SIAH2: variants seen among roughly 807,000 people sequenced by gnomAD.
SIAH2 encodes E3 ubiquitin-protein ligase SIAH2.
Under a neutral mutation model 20.4 loss-of-function variants are expected in SIAH2, and 4 were observed. The ratio of observed to expected loss-of-function variants is 0.20; its 90% CI spans 0.10 to 0.45. The LOEUF (loss-of-function observed/expected upper bound fraction) is 0.45. Ranked by LOEUF, SIAH2 falls within the 20% of genes least tolerant of loss-of-function variation. The pLI, the probability that SIAH2 is intolerant of heterozygous loss-of-function variation, is 0.99. For synonymous variants in SIAH2, 171 were observed against 192.5 expected (o/e 0.89, Z 0.93); for missense variants, 259 against 440.3 (o/e 0.59, Z 3.69).
intron 1 of SIAH2, among the ~76,000 whole-genome samples, chr3:150,755,787 A>G (rs1714475265): frequency 6.6e-6 from 1 of 151,976 alleles, no homozygotes; most frequent in African/African-American, 2.4e-5. Flanking sequence ...AAGTGTTGGG[A>G]TTACAGGTGT....
chr3:150,759,527 A>C (rs921506779), intron 1 of SIAH2, among the ~76,000 whole-genome samples: 3 of 152,184 alleles, frequency 2.0e-5, no homozygotes, highest in African/African-American at 7.2e-5. Context: ...GTTATGATTC[A>C]GAATCTTGAG....
intron 1 of SIAH2, among the ~76,000 whole-genome samples, chr3:150,744,514 AAAAC>A (rs1488284198): frequency 1.3e-5 from 2 of 152,224 alleles, no homozygotes; most frequent in Non-Finnish European, 2.9e-5. Flanking sequence ...TAAGGCCTGA[AAAAC>A]AAATCCCTAT....
chr3:150,747,032 G>C (rs530375590), intron 1 of SIAH2, among the ~76,000 whole-genome samples: 270 of 152,354 alleles, frequency 1.8e-3, no homozygotes, highest in African/African-American at 5.9e-3. Context: ...GCATTCCCAG[G>C]CTGCCCCGCC....
intron 1 of SIAH2, among the ~76,000 whole-genome samples, chr3:150,757,433 T>A (rs1402842348): frequency 1.3e-5 from 2 of 151,826 alleles, no homozygotes; most frequent in African/African-American, 4.8e-5. Context: ...CTTGGCAAAA[T>A]GAAGATGAAA....
intron 1 of SIAH2, among the ~76,000 whole-genome samples, chr3:150,747,964 C>CAAAAA (rs58478348): frequency 0.016 from 881 of 56,660 alleles, 29 homozygotes; most frequent in African/African-American, 0.049. Flanking sequence ...AACGCCATCT[C>CAAAAA]AAAAAAAAAA....
intron 1 of SIAH2, among the ~76,000 whole-genome samples, chr3:150,758,310 A>C (rs1399508598): frequency 6.6e-6 from 1 of 152,128 alleles, no homozygotes; most frequent in East Asian, 1.9e-4. Context: ...CAGTGTAAGA[A>C]GGCTGGAGTG....
intron 1 of SIAH2, among the ~76,000 whole-genome samples, chr3:150,754,460 AAGATCCAACCACCTGCCCC>A (rs1352709436): frequency 2.6e-5 from 4 of 152,154 alleles, no homozygotes; most frequent in Non-Finnish European, 5.9e-5. Flanking sequence ...ATCCACCCCC[AAGATCCAACCACCTGCCCC>A]AGGCCCCACC....
intron 1 of SIAH2, among the ~76,000 whole-genome samples, chr3:150,751,436 A>T (rs1714361241): frequency 6.6e-6 from 1 of 151,972 alleles, no homozygotes; most frequent in Non-Finnish European, 1.5e-5. Context: ...AAGAAAAAAA[A>T]AAGAGAGAGA....
In SIAH2 at chr3:150,752,152, C is replaced by T. The variant is rs142734179; in HGVS notation, c.418-9454G>A. On this transcript the variant is annotated intron_variant, in intron 1 of 1. Coordinates refer to ENST00000312960, the MANE Select transcript of SIAH2 (RefSeq NM_005067.7). ...TCTATGCCATGTGACCAGTACCACACCCACCCTTTCAGTATGCCCTCACTC... is the reference window on the plus strand; with the variant it reads ...TCTATGCCATGTGACCAGTACCACATCCACCCTTTCAGTATGCCCTCACTC... Among the ~76,000 whole-genome samples, 476 of 152,316 alleles carry T rather than the reference C, an allele frequency of 3.1e-3. 5 individuals are homozygous for T. The highest frequency in any genetic ancestry group is 0.011 in the African/African-American group (461 of 41,566).
chr3:150,750,321 C>T (rs570215019), intron 1 of SIAH2, among the ~76,000 whole-genome samples: 1 of 152,294 alleles, frequency 6.6e-6, no homozygotes, highest in South Asian at 2.1e-4. Flanking sequence ...TCATTGCCTG[C>T]TTCTTGCCCA....
intron 1 of SIAH2, among the ~76,000 whole-genome samples, chr3:150,745,761 C>T (rs1445536592): frequency 6.6e-6 from 1 of 152,108 alleles, no homozygotes; most frequent in Non-Finnish European, 1.5e-5. Context: ...TCCCAAAGTG[C>T]TGGGATTGCA....
In SIAH2 at chr3:150,762,904, G is replaced by C. The variant is rs1714659523; in HGVS notation, c.-55C>G. 6 of 1,138,428 alleles carry C rather than the reference G, an allele frequency of 5.3e-6. No individual in the cohort carries two copies. The highest frequency in any genetic ancestry group is 6.5e-6 in the Non-Finnish European group (6 of 919,262). The allele number at this position is 1,138,428 out of a possible 1,614,324, so 70.5% of individuals were successfully genotyped here. A position where few individuals can be genotyped will look rare whatever the true frequency, so the allele number is the denominator to read the frequency against. ...GCGCCTGCCTGCCGCGGGGCCGCCCGGGTCAAGGCGGTGCGCGCCCCGCGG... is the reference window on the plus strand; with the variant it reads ...GCGCCTGCCTGCCGCGGGGCCGCCCCGGTCAAGGCGGTGCGCGCCCCGCGG... On this transcript the variant is annotated 5_prime_UTR_variant, in exon 1 of 2. Coordinates refer to ENST00000312960, the MANE Select transcript of SIAH2 (RefSeq NM_005067.7). This position sits in a 1 kb window ranked among gnomAD's most constrained non-coding sequence, Gnocchi z 6.6.
chr3:150,762,166 A>C lies in SIAH2; in HGVS notation c.417+267T>G. On this transcript the variant is annotated intron_variant, in intron 1 of 1. Coordinates refer to ENST00000312960, the MANE Select transcript of SIAH2 (RefSeq NM_005067.7). This position sits in a 1 kb window ranked among gnomAD's most constrained non-coding sequence, Gnocchi z 6.6. ...ATACACGTCTGCAGAGGACGCGGGC[A>C]TTGGGCCGGGTGAGCTACGATGTTC... 1 of 536,268 alleles carries C rather than the reference A, an allele frequency of 1.9e-6. No individual in the cohort carries two copies. Among genetic ancestry groups the C allele is most frequent in the Non-Finnish European group, 3.0e-6 (1 of 330,178 alleles). The allele number at this position is 536,268 out of a possible 1,614,324, so 33.2% of individuals were successfully genotyped here. A position where few individuals can be genotyped will look rare whatever the true frequency, so the allele number is the denominator to read the frequency against.
rs1357809432 is a variant in SIAH2, at chr3:150,741,396, T to C, written c.*745A>G. ...TTTCCTAGGCAATCCACCCAAAACA[T>C]AGGTGAGTGGCCAAATCTCAGGCGT... On this transcript the variant is annotated 3_prime_UTR_variant, in exon 2 of 2. Transcript: ENST00000312960. The C allele has an allele frequency of 6.6e-6, 1 of 152,528 alleles. No individual in the cohort carries two copies. Among genetic ancestry groups the C allele is most frequent in the Non-Finnish European group, 1.5e-5 (1 of 68,030 alleles). The allele number at this position is 152,528 out of a possible 1,614,324, so 9.4% of individuals were successfully genotyped here. A position where few individuals can be genotyped will look rare whatever the true frequency, so the allele number is the denominator to read the frequency against.
At chr3:150,753,037 C>A (rs1309287520) in intron 1 of SIAH2, among the ~76,000 whole-genome samples, 1 of 152,228 alleles carries the variant, frequency 6.6e-6, no homozygotes, top group Admixed American at 6.5e-5. Flanking sequence ...TCCCACACAG[C>A]CTCCTTATGA....
Position 150,762,190 on chromosome 3 carries a change from T to C in SIAH2, c.417+243A>G. ...CATTGGGCCGGGTGAGCTACGATGT[T>C]CTAACGATCAGCAAATGCCAATTAA... is the stretch of plus-strand genomic sequence containing the variant. On this transcript the variant is annotated intron_variant, in intron 1 of 1. Coordinates refer to ENST00000312960, the MANE Select transcript of SIAH2 (RefSeq NM_005067.7). This position sits in a 1 kb window ranked among gnomAD's most constrained non-coding sequence, Gnocchi z 6.6. 1.4e-6 allele frequency: 1 copy of C among 739,290 alleles called. No homozygotes were observed. Among genetic ancestry groups the C allele is most frequent in the East Asian group, 3.6e-5 (1 of 27,918 alleles). The allele number at this position is 739,290 out of a possible 1,614,324, so 45.8% of individuals were successfully genotyped here. A position where few individuals can be genotyped will look rare whatever the true frequency, so the allele number is the denominator to read the frequency against.
rs1355995065 is a variant in SIAH2 at position 150,762,342 on chromosome 3, C to A, written c.417+91G>T. ...CTTTTTTTTTTTTAAATGAGAGATG[C>A]CGCCCGCCTCTCCGGGCCTGCGAGT... On this transcript the variant is annotated intron_variant, in intron 1 of 1. Coordinates refer to ENST00000312960, the MANE Select transcript of SIAH2 (RefSeq NM_005067.7). This position sits in a 1 kb window ranked among gnomAD's most constrained non-coding sequence, Gnocchi z 6.6. 3 of 1,497,148 alleles carry A rather than the reference C, an allele frequency of 2.0e-6. No individual in the cohort carries two copies. Among genetic ancestry groups the A allele is most frequent in the Non-Finnish European group, 2.7e-6 (3 of 1,128,204 alleles). 92.7% of individuals were successfully genotyped at this position (1,497,148 alleles called of 1,614,324 possible). A position where few individuals can be genotyped will look rare whatever the true frequency, so the allele number is the denominator to read the frequency against.
Position 150,762,403 on chromosome 3 carries a change from C to T in SIAH2, c.417+30G>A, listed in dbSNP as rs765873288. 6.3e-7 allele frequency: 1 copy of T among 1,589,734 alleles called. No homozygotes were observed. Among genetic ancestry groups the T allele is most frequent in the African/African-American group, 1.4e-5 (1 of 73,952 alleles). ...ATACCGGAGTCCCTGAGGTCACCGG[C>T]GGAGGTACGTGGGCTGTCCCTGGGC... On this transcript the variant is annotated intron_variant, in intron 1 of 1. Transcript: ENST00000312960. The surrounding 1 kb of genome is among the most constrained non-coding windows in gnomAD (Gnocchi z 6.6).
Position 150,741,687 on chromosome 3 carries a change from T to C in SIAH2, c.*454A>G, listed in dbSNP as rs1576579324. The C allele has an allele frequency of 6.4e-6, 1 of 155,500 alleles. No individual in the cohort carries two copies. Among genetic ancestry groups the C allele is most frequent in the Admixed American group, 6.4e-5 (1 of 15,578 alleles). The allele number at this position is 155,500 out of a possible 1,614,324, so 9.6% of individuals were successfully genotyped here. The stretch of plus-strand genomic sequence containing the variant: ...TGATTCAGTGTCTATTAGCCAGCCA[T>C]CCAATTTCAGAAACACTGTTTAAAA... On this transcript the variant is annotated 3_prime_UTR_variant, in exon 2 of 2. Coordinates refer to ENST00000312960, the MANE Select transcript of SIAH2 (RefSeq NM_005067.7).
Sources: gnomAD v4.1 joint callset for allele counts (sites outside exome capture counted in the v4.1 genomes callset) on GRCh38, gnomAD v4.1.1 for gene constraint, Gnocchi (gnomAD v3.1) non-coding constraint, MANE v1.5 for transcripts, NCBI Gene and HGNC (gene_info 2026-07-23, HGNC 2026-07-21) for gene names.